Variants in EXOC2 observed in about 807,000 individuals in gnomAD.
EXOC2 encodes exocyst complex component 2, also known as SEC5-like 1.
Under a neutral mutation model 131.8 loss-of-function variants are expected in EXOC2, and 70 were observed. That is an observed-to-expected ratio of 0.53 (90% CI 0.44 to 0.65). The LOEUF (loss-of-function observed/expected upper bound fraction) is 0.65, where lower values mean the gene tolerates loss of function less well. Among genes scored for constraint, EXOC2 ranks in the 30% least tolerant of loss-of-function variants. The pLI is 0.00. For synonymous variants in EXOC2, 411 were observed against 398.4 expected (o/e 1.03, Z -0.38); for missense variants, 923 against 1,108.6 (o/e 0.83, Z 2.38).
rs186829067 is a variant in EXOC2, at chr6:599,676, A to G, written c.743-451T>C. On this transcript the variant is annotated intron_variant, in intron 7 of 27. Transcript: ENST00000230449. ...ACAAAACAAGGAAATCATTTTCAGG[A>G]AAGTTGCTCAATAGAAATATTTAAA... 6.0e-3 allele frequency among the ~76,000 whole-genome samples: 919 copies of G among 152,334 alleles called. 4 individuals carry two copies. The highest frequency in any genetic ancestry group is 0.018 in the South Asian group (89 of 4,826).
intron 4 of EXOC2, 43 bp from the exon 5 acceptor site, chr6:619,586 T>C: frequency 1.4e-6 from 2 of 1,382,674 alleles, no homozygotes; most frequent in Non-Finnish European, 2.1e-6. Flanking sequence ...ATGGTTATTA[T>C]GACAAAAATG....
At chr6:572,749 C>G in intron 12 of EXOC2, 105 bp from the exon 13 acceptor site, 1 of 1,390,722 alleles carries the variant, frequency 7.2e-7, no homozygotes, top group Non-Finnish European at 9.8e-7. Flanking sequence ...CTCCAACATG[C>G]ACTAGGAATA....
At chr6:640,300 T>G (rs138340492) in intron 1 of EXOC2, among the ~76,000 whole-genome samples, 117 of 152,190 alleles carry the variant, frequency 7.7e-4, no homozygotes, top group African/African-American at 2.7e-3. Flanking sequence ...TGAGGCTGCT[T>G]CCTTAGCGCA....
At chr6:601,330 CCACA>C (rs1229974105) in intron 7 of EXOC2, among the ~76,000 whole-genome samples, 1 of 6,542 alleles carries the variant, frequency 1.5e-4, no homozygotes, top group Non-Finnish European at 3.4e-4. Context: ...GTCTGCGAAT[CCACA>C]CACATTCTCA....
At chr6:589,789 G>A (rs1314547729) in intron 11 of EXOC2, among the ~76,000 whole-genome samples, 1 of 152,222 alleles carries the variant, frequency 6.6e-6, no homozygotes, top group Non-Finnish European at 1.5e-5. Context: ...GAAGGGGTAA[G>A]GCCAAGAATT....
At chr6:608,465 G>C (rs1760541345) in intron 7 of EXOC2, among the ~76,000 whole-genome samples, 1 of 152,050 alleles carries the variant, frequency 6.6e-6, no homozygotes. Flanking sequence ...CCTGACGAAT[G>C]GTCTCATAAA....
chr6:680,024 A>AT (rs11345538), intron 1 of EXOC2, among the ~76,000 whole-genome samples: 81,404 of 150,164 alleles, frequency 0.54, 22,968 homozygotes, highest in East Asian at 0.78. Context: ...CCGGATGACT[A>AT]TTTTTTTTTT....
intron 11 of EXOC2, among the ~76,000 whole-genome samples, chr6:582,313 C>T (rs1441438066): frequency 1.3e-5 from 2 of 152,064 alleles, no homozygotes; most frequent in Non-Finnish European, 2.9e-5. Context: ...CCTGCAGACA[C>T]GGAGCCAGGT....
chr6:602,953 C>G (rs1760184122), intron 7 of EXOC2, among the ~76,000 whole-genome samples: 1 of 152,198 alleles, frequency 6.6e-6, no homozygotes. Context: ...GTGCCAGGAA[C>G]TCCAGTCATC....
At chr6:628,668 G>A (rs1761700481) in intron 4 of EXOC2, among the ~76,000 whole-genome samples, 1 of 152,104 alleles carries the variant, frequency 6.6e-6, no homozygotes, top group Non-Finnish European at 1.5e-5. Context: ...CAGCTCAGAG[G>A]GCCTCCTGCT....
At chr6:511,113 G>C (rs987807746) in intron 23 of EXOC2, among the ~76,000 whole-genome samples, 1 of 152,202 alleles carries the variant, frequency 6.6e-6, no homozygotes, top group African/African-American at 2.4e-5. Flanking sequence ...ATTTTCCTGC[G>C]TGGTCCCTGT....
chr6:637,758 A>G lies in EXOC2; in HGVS notation c.61T>C (p.Trp21Arg). The G allele has an allele frequency of 1.2e-6, 2 of 1,614,000 alleles. No individual in the cohort carries two copies. The highest frequency in any genetic ancestry group is 1.7e-6 in the Non-Finnish European group (2 of 1,179,958). ...TGISPNEGIPWTKVTIRGENL... is the reference protein window; with the variant it reads ...TGISPNEGIPRTKVTIRGENL... ...TCTCCCCTGATTGTGACCTTCGTCC[A>G]TGGTATCCCTTCATTTGGAGAGATG... The change falls in exon 2 of 28, where the codon TGG becomes CGG. Residue 21 changes from tryptophan (W) to arginine (R), a missense_variant. Coordinates refer to ENST00000230449, the MANE Select transcript of EXOC2 (RefSeq NM_018303.6).
At chr6:567,406 T>C (rs1380119630) in intron 13 of EXOC2, among the ~76,000 whole-genome samples, 1 of 152,182 alleles carries the variant, frequency 6.6e-6, no homozygotes, top group Non-Finnish European at 1.5e-5. Context: ...CTCCAACCCA[T>C]TGCTGATATT....
intron 4 of EXOC2, among the ~76,000 whole-genome samples, chr6:622,237 T>TA (rs1202843828): frequency 1.3e-5 from 2 of 152,186 alleles, no homozygotes; most frequent in Non-Finnish European, 1.5e-5. Context: ...GTCAGAGAGT[T>TA]AAATGGTCTG....
intron 23 of EXOC2, chr6:524,841 C>G (rs1765655968): frequency 1.3e-5 from 2 of 151,888 alleles, no homozygotes; most frequent in Non-Finnish European, 2.9e-5. Flanking sequence ...CACATATCAA[C>G]CATTTCTGAT....
chr6:493,791 C>T (rs1441620535), intron 25 of EXOC2, among the ~76,000 whole-genome samples: 1 of 152,146 alleles, frequency 6.6e-6, no homozygotes, highest in African/African-American at 2.4e-5. Flanking sequence ...ACATGTCTGT[C>T]CAGGCCCGAG....
chr6:590,028 T>C (rs1759449721), intron 11 of EXOC2, among the ~76,000 whole-genome samples: 1 of 150,996 alleles, frequency 6.6e-6, no homozygotes, highest in Non-Finnish European at 1.5e-5. Flanking sequence ...GGCAGGAGAA[T>C]GGTGTGAACC....
chr6:566,526 C>T (rs1757975872), intron 13 of EXOC2, among the ~76,000 whole-genome samples: 1 of 152,206 alleles, frequency 6.6e-6, no homozygotes, highest in South Asian at 2.1e-4. Context: ...ACCAGCGGCT[C>T]TGAGTGTCTG....
At chr6:650,969 G>C (rs923157578) in intron 1 of EXOC2, among the ~76,000 whole-genome samples, 53 of 151,320 alleles carry the variant, frequency 3.5e-4, no homozygotes, top group African/African-American at 1.2e-3. Flanking sequence ...TAAGCAATTT[G>C]TTATGTCAAA....
Sources: allele counts gnomAD v4.1 joint callset (sites outside exome capture counted in the v4.1 genomes callset), GRCh38; gene constraint gnomAD v4.1.1; transcripts MANE v1.5; gene names NCBI Gene and HGNC (gene_info 2026-07-23, HGNC 2026-07-21).